Variants in PRKG1 observed in about 807,000 individuals in gnomAD.
The protein encoded by PRKG1 is cGMP-dependent protein kinase 1.
A neutral mutation model predicts 88.1 loss-of-function variants in PRKG1; 35 were observed. The observed-to-expected ratio is 0.40, with a 90% CI of 0.30 to 0.53. The LOEUF (loss-of-function observed/expected upper bound fraction) is 0.53. Among genes scored for constraint, PRKG1 ranks in the 20% least tolerant of loss-of-function variants. PRKG1 has a pLI of 0.59. For synonymous variants in PRKG1, 303 were observed against 292.5 expected, an observed-to-expected ratio of 1.04 and a Z score of -0.37; for missense variants, 540 against 839.8, an observed-to-expected ratio of 0.64 and a Z score of 4.41.
chr10:51,495,773 G>A (rs1025924838), intron 3 of PRKG1, among the ~76,000 whole-genome samples: 3 of 152,122 alleles, frequency 2.0e-5, no homozygotes, highest in East Asian at 1.9e-4. Flanking sequence ...TGTATATTCC[G>A]CTGAGTTAAG....
At chr10:51,889,355 C>T (rs1002133891) in intron 4 of PRKG1, among the ~76,000 whole-genome samples, 5 of 151,876 alleles carry the variant, frequency 3.3e-5, no homozygotes, top group Middle Eastern at 3.2e-3. Flanking sequence ...TGATGATTTC[C>T]GGCTTCATCC....
intron 5 of PRKG1, among the ~76,000 whole-genome samples, chr10:51,968,034 C>T (rs904140353): frequency 6.6e-6 from 1 of 152,142 alleles, no homozygotes; most frequent in Non-Finnish European, 1.5e-5. Flanking sequence ...CAGTGTTTAG[C>T]CGTTTCCTTC....
chr10:51,415,726 G>T (rs1026924858), intron 2 of PRKG1, among the ~76,000 whole-genome samples: 1 of 152,096 alleles, frequency 6.6e-6, no homozygotes, highest in Non-Finnish European at 1.5e-5. Context: ...AATCCTTCCC[G>T]ACACAAGCTA....
intron 3 of PRKG1, among the ~76,000 whole-genome samples, chr10:51,625,370 G>T (rs945110624): frequency 7.9e-5 from 12 of 152,158 alleles, no homozygotes; most frequent in African/African-American, 2.9e-4. Context: ...CCAGCAATTT[G>T]GGAGGCTGAG....
intron 1 of PRKG1, among the ~76,000 whole-genome samples, chr10:51,067,101 C>T (rs1004169610): frequency 2.0e-5 from 3 of 151,832 alleles, no homozygotes; most frequent in Admixed American, 2.0e-4. Context: ...TCTTGGTGCA[C>T]TGGGGATTAA....
In PRKG1 at chr10:51,946,160, T is replaced by A. The variant is rs571447725; in HGVS notation, c.762+38590T>A. Among the ~76,000 whole-genome samples the A allele has an allele frequency of 4.3e-3, 649 of 152,208 alleles. 3 individuals are homozygous for A. Among genetic ancestry groups the A allele is most frequent in the Non-Finnish European group, 5.9e-3 (404 of 68,028 alleles). Reference sequence around the variant, plus strand: ...ATTTCTTGGAGGCTTTGTTCATTTCTTTTTATTCTTTTTTCTCTAAACTTC... The same window carrying A: ...ATTTCTTGGAGGCTTTGTTCATTTCATTTTATTCTTTTTTCTCTAAACTTC... On this transcript the variant is annotated intron_variant, in intron 5 of 17. Coordinates refer to ENST00000373980, the MANE Select transcript of PRKG1 (RefSeq NM_006258.4).
chr10:52,068,667 T>C (rs867518239), intron 7 of PRKG1, among the ~76,000 whole-genome samples: 1 of 148,866 alleles, frequency 6.7e-6, no homozygotes, highest in Non-Finnish European at 1.5e-5. Flanking sequence ...ATCATCTTTA[T>C]CTACATCATC....
chr10:51,895,872 C>T (rs1841831983), intron 4 of PRKG1, among the ~76,000 whole-genome samples: 1 of 151,996 alleles, frequency 6.6e-6, no homozygotes, highest in Admixed American at 6.6e-5. Flanking sequence ...GTGCAATTGC[C>T]TAGAGAGGTT....
intron 3 of PRKG1, among the ~76,000 whole-genome samples, chr10:51,668,611 G>A (rs921734002): frequency 4.6e-5 from 7 of 152,078 alleles, no homozygotes; most frequent in Non-Finnish European, 7.4e-5. Context: ...AAATACATGT[G>A]ATGGACACAG....
intron 14 of PRKG1, 69 bp from the exon 15 acceptor site, chr10:52,288,657 A>G: frequency 2.1e-6 from 3 of 1,453,442 alleles, no homozygotes; most frequent in Non-Finnish European, 2.8e-6. Flanking sequence ...TGTGGAGTTT[A>G]TAGCAATTCA....
intron 5 of PRKG1, among the ~76,000 whole-genome samples, chr10:52,021,451 T>A (rs1011819371): frequency 3.3e-5 from 5 of 152,140 alleles, no homozygotes; most frequent in African/African-American, 1.2e-4. Context: ...AAATATGTAA[T>A]CATTAAAGAC....
At chr10:52,008,306 GTAAAACCACATAA>G in intron 5 of PRKG1, among the ~76,000 whole-genome samples, 1 of 152,096 alleles carries the variant, frequency 6.6e-6, no homozygotes, top group Non-Finnish European at 1.5e-5. Context: ...ATTGAAACGT[GTAAAACCACATAA>G]TACATCAACA....
intron 7 of PRKG1, among the ~76,000 whole-genome samples, chr10:52,084,121 C>T (rs919667382): frequency 8.6e-5 from 13 of 151,868 alleles, no homozygotes; most frequent in Non-Finnish European, 1.5e-4. Flanking sequence ...TAAGATAGCC[C>T]AACTTTACAA....
At chr10:51,989,976 T>A (rs948158480) in intron 5 of PRKG1, among the ~76,000 whole-genome samples, 2 of 152,080 alleles carry the variant, frequency 1.3e-5, no homozygotes, top group African/African-American at 4.8e-5. Context: ...TTTTAAGTTG[T>A]TTTTGAGTTA....
intron 9 of PRKG1, among the ~76,000 whole-genome samples, chr10:52,162,940 T>C (rs1287861614): frequency 6.6e-6 from 1 of 152,158 alleles, no homozygotes; most frequent in Admixed American, 6.6e-5. Flanking sequence ...AACACCAGGC[T>C]CCATGCAGTC....
intron 1 of PRKG1, among the ~76,000 whole-genome samples, chr10:51,077,139 T>C (rs1009070885): frequency 6.6e-6 from 1 of 152,224 alleles, no homozygotes; most frequent in Non-Finnish European, 1.5e-5. Flanking sequence ...GTTGTTTGAA[T>C]GGTTGTACAA....
chr10:51,435,666 C>A (rs987856433), intron 2 of PRKG1, among the ~76,000 whole-genome samples: 1 of 151,970 alleles, frequency 6.6e-6, no homozygotes, highest in Non-Finnish European at 1.5e-5. Context: ...ATTTATCCAT[C>A]ATGACTGACT....
In PRKG1 at chr10:52,143,594, G is replaced by T. The variant is rs186037148; in HGVS notation, c.1001+9689G>T. 3.6e-3 allele frequency among the ~76,000 whole-genome samples: 553 copies of T among 152,282 alleles called. 2 individuals carry two copies. The highest frequency in any genetic ancestry group is 6.1e-3 in the Non-Finnish European group (412 of 68,024). Reference sequence around the variant, plus strand: ...GCACTGTAGGGTGCAGGAAAGCTCTGTAAAGGGAGAGCTTTAAAACCACCT... The same window carrying T: ...GCACTGTAGGGTGCAGGAAAGCTCTTTAAAGGGAGAGCTTTAAAACCACCT... On this transcript the variant is annotated intron_variant, in intron 8 of 17. Coordinates refer to ENST00000373980, the MANE Select transcript of PRKG1 (RefSeq NM_006258.4).
chr10:51,253,123 A>G (rs897476718), intron 2 of PRKG1, among the ~76,000 whole-genome samples: 2 of 151,910 alleles, frequency 1.3e-5, no homozygotes, highest in South Asian at 2.1e-4. Context: ...CAATATTAGT[A>G]TGGCAAAGCA....
Sources: allele counts gnomAD v4.1 joint callset (sites outside exome capture counted in the v4.1 genomes callset), GRCh38; gene constraint gnomAD v4.1.1; transcripts MANE v1.5; gene names NCBI Gene and HGNC (gene_info 2026-07-23, HGNC 2026-07-21).